ANKRD36B: variants seen among roughly 807,000 people sequenced by gnomAD.
The protein encoded by ANKRD36B is ankyrin repeat domain 36B, also known as ankyrin repeat domain-containing protein 36B.
ANKRD36B carries 37 observed loss-of-function variants against 135.7 expected under a neutral mutation model. The ratio of observed to expected loss-of-function variants is 0.27; its 90% CI spans 0.21 to 0.36. The LOEUF is 0.36. Ranked by LOEUF, ANKRD36B falls within the 10% of genes least tolerant of loss-of-function variation. The pLI is 1.00. For missense variants in ANKRD36B, 549 were observed against 1,037.1 expected, an observed-to-expected ratio of 0.53 and a Z score of 6.46; for synonymous variants, 179 against 348.1, an observed-to-expected ratio of 0.51 and a Z score of 5.41.
intron 18 of ANKRD36B, among the ~76,000 whole-genome samples, chr2:97,550,879 T>C (rs1021966317): frequency 1.3e-5 from 2 of 151,902 alleles, no homozygotes; most frequent in Non-Finnish European, 2.9e-5. Context: ...TCTCCTCAGT[T>C]CTCCTTCTAC....
At chr2:97,586,345 T>C (rs13025370) in intron 1 of ANKRD36B, among the ~76,000 whole-genome samples, 67 of 152,092 alleles carry the variant, frequency 4.4e-4, no homozygotes, top group Admixed American at 4.4e-3. Flanking sequence ...TCATAAGTTT[T>C]TGAAATGGCA....
intron 6 of ANKRD36B, among the ~76,000 whole-genome samples, chr2:97,573,168 G>A (rs541840333): frequency 3.9e-5 from 6 of 152,014 alleles, no homozygotes; most frequent in East Asian, 1.9e-4. Context: ...GCGGTGTTTC[G>A]TTTTTTGTCC....
At chr2:97,513,045 T>C (rs2077611617) in intron 38 of ANKRD36B, 135 bp downstream of exon 38, 2 of 1,067,520 alleles carry the variant, frequency 1.9e-6, no homozygotes, top group Admixed American at 3.5e-5. Flanking sequence ...TAGCTATAAA[T>C]GCCATGATTC....
chr2:97,576,194 A>C (rs2082225661), intron 6 of ANKRD36B, among the ~76,000 whole-genome samples, 185 bp downstream of exon 6: 1 of 150,922 alleles, frequency 6.6e-6, no homozygotes, highest in African/African-American at 2.4e-5. Flanking sequence ...TTCAAACAAT[A>C]CTGAGATTAT....
At chr2:97,557,238 T>C (rs1342086547) in intron 10 of ANKRD36B, 106 bp from the exon 11 acceptor site, 13 of 1,458,148 alleles carry the variant, frequency 8.9e-6, no homozygotes, top group Non-Finnish European at 1.2e-5. Context: ...CCTGCACTAG[T>C]GTAGGATTTG....
rs1403400700 is a variant in ANKRD36B at position 97,537,089 on chromosome 2, T to C, written c.2090-593A>G. Among the ~76,000 whole-genome samples, 4 of 96,574 alleles carry C rather than the reference T, an allele frequency of 4.1e-5. 2 individuals are homozygous for C. The East Asian group carries it at 9.2e-4, about 22-fold the overall frequency. 63.4% of individuals were successfully genotyped at this position (96,574 alleles called of 152,430 possible). ...TTATCATGCCCATGTGGTGTAATAG[T>C]CTGCCTACATTTCTTATATCCTCTA... On this transcript the variant is annotated intron_variant, in intron 32 of 43. Coordinates refer to ENST00000359901, the MANE Select transcript of ANKRD36B (RefSeq NM_001393939.1).
chr2:97,548,834 G>A (rs2079752012), intron 20 of ANKRD36B, among the ~76,000 whole-genome samples: 1 of 152,012 alleles, frequency 6.6e-6, no homozygotes, highest in African/African-American at 2.4e-5. Context: ...CCAAAATCAA[G>A]TATTTTTTAT....
intron 1 of ANKRD36B, among the ~76,000 whole-genome samples, chr2:97,585,925 T>C (rs527302386): frequency 5.3e-5 from 8 of 152,370 alleles, no homozygotes; most frequent in Admixed American, 2.6e-4. Context: ...TATTCTCTTA[T>C]ATAAGCTACT....
chr2:97,543,091 A>G (rs1576895841), intron 26 of ANKRD36B, among the ~76,000 whole-genome samples: 1 of 152,278 alleles, frequency 6.6e-6, no homozygotes, highest in Non-Finnish European at 1.5e-5. Context: ...ACTAAAATCA[A>G]CAAAACGTGT....
intron 12 of ANKRD36B, 87 bp downstream of exon 12, chr2:97,556,850 C>T: frequency 6.6e-7 from 1 of 1,514,144 alleles, no homozygotes; most frequent in Admixed American, 2.2e-5. Flanking sequence ...AGTGCATTTT[C>T]AATGACACCC....
chr2:97,552,105 G>C (rs1369244158), intron 16 of ANKRD36B, among the ~76,000 whole-genome samples: 1 of 151,826 alleles, frequency 6.6e-6, no homozygotes, highest in Non-Finnish European at 1.5e-5. Flanking sequence ...GTATCCACTA[G>C]TTTATCCCTC....
At chr2:97,557,926 A>G (rs1313812851) in intron 10 of ANKRD36B, among the ~76,000 whole-genome samples, 4 of 151,850 alleles carry the variant, frequency 2.6e-5, no homozygotes, top group African/African-American at 9.7e-5. Flanking sequence ...TCCAATATTC[A>G]TTGAAAATAA....
intron 6 of ANKRD36B, among the ~76,000 whole-genome samples, chr2:97,573,790 G>T (rs1390165900): frequency 1.3e-5 from 2 of 152,080 alleles, no homozygotes; most frequent in East Asian, 3.8e-4. Flanking sequence ...AATGGGGAAA[G>T]GATTCCCTAT....
intron 8 of ANKRD36B, 112 bp from the exon 9 acceptor site, chr2:97,559,106 G>A (rs1576998590): frequency 4.2e-6 from 6 of 1,427,180 alleles, no homozygotes; most frequent in Middle Eastern, 2.6e-4. Context: ...ACTAGTGTAG[G>A]CTTTGATGTT....
intron 6 of ANKRD36B, among the ~76,000 whole-genome samples, chr2:97,563,489 G>T (rs199558047): frequency 6.6e-6 from 1 of 151,358 alleles, no homozygotes; most frequent in Non-Finnish European, 1.5e-5. Flanking sequence ...ATGGCTTTAC[G>T]GGGTGTTTCT....
chr2:97,585,832 A>G (rs1178204986), intron 1 of ANKRD36B, among the ~76,000 whole-genome samples: 1 of 152,256 alleles, frequency 6.6e-6, no homozygotes, highest in Admixed American at 6.5e-5. Flanking sequence ...GTAAAATGAT[A>G]CAATCATATC....
At chr2:97,563,637 A>G (rs543286028) in intron 6 of ANKRD36B, among the ~76,000 whole-genome samples, 1 of 152,106 alleles carries the variant, frequency 6.6e-6, no homozygotes, top group Non-Finnish European at 1.5e-5. Flanking sequence ...CACTTTGACC[A>G]TCGGCCATTT....
At chr2:97,554,983 C>A in intron 14 of ANKRD36B, 77 bp downstream of exon 14, 1 of 1,528,074 alleles carries the variant, frequency 6.5e-7, no homozygotes, top group Non-Finnish European at 9.0e-7. Context: ...ATGAGCCCCC[C>A]CACTGATTTA....
At chr2:97,559,420 T>A (rs562263701) in intron 8 of ANKRD36B, among the ~76,000 whole-genome samples, 80 of 151,972 alleles carry the variant, frequency 5.3e-4, no homozygotes, top group African/African-American at 1.6e-3. Context: ...GCCCTTTAAC[T>A]TGCCCAATAA....
Sources: allele counts gnomAD v4.1 joint callset (sites outside exome capture counted in the v4.1 genomes callset), GRCh38; gene constraint gnomAD v4.1.1; transcripts MANE v1.5; gene names NCBI Gene and HGNC (gene_info 2026-07-23, HGNC 2026-07-21).